Variants in CD2AP observed in about 807,000 individuals in gnomAD.
The protein encoded by CD2AP is CD2 associated protein.
CD2AP carries 46 observed loss-of-function variants against 85.1 expected under a neutral mutation model. The ratio of observed to expected loss-of-function variants is 0.54; its 90% CI spans 0.43 to 0.69. The LOEUF (loss-of-function observed/expected upper bound fraction) is 0.69. Ranked by LOEUF, CD2AP falls within the 30% of genes least tolerant of loss-of-function variation. CD2AP has a pLI of 0.00. For missense variants in CD2AP, 769 were observed against 729.5 expected, an observed-to-expected ratio of 1.05 and a Z score of -0.62; for synonymous variants, 255 against 252.9, an observed-to-expected ratio of 1.01 and a Z score of -0.08.
chr6:47,561,036 A>G (rs1767846538), intron 5 of CD2AP, among the ~76,000 whole-genome samples: 1 of 152,154 alleles, frequency 6.6e-6, no homozygotes, highest in Non-Finnish European at 1.5e-5. Flanking sequence ...TTCATCAGGT[A>G]TCAGTCTATT....
chr6:47,519,816 A>G (rs891637567), intron 2 of CD2AP, among the ~76,000 whole-genome samples: 12 of 152,202 alleles, frequency 7.9e-5, no homozygotes, highest in African/African-American at 2.4e-4. Context: ...TTAACAATAA[A>G]ATAGGGAAAA....
chr6:47,493,573 C>T (rs962926037), intron 1 of CD2AP, among the ~76,000 whole-genome samples: 1 of 151,820 alleles, frequency 6.6e-6, no homozygotes, highest in Non-Finnish European at 1.5e-5. Context: ...ATTTTGTTCT[C>T]TTAGTTTTCC....
chr6:47,623,424 T>C (rs759338149), intron 17 of CD2AP, among the ~76,000 whole-genome samples: 14 of 152,176 alleles, frequency 9.2e-5, no homozygotes, highest in Non-Finnish European at 1.8e-4. Flanking sequence ...ACCATGGGCT[T>C]TAAAGCCCTA....
chr6:47,478,607 C>G (rs1296137568), intron 1 of CD2AP, among the ~76,000 whole-genome samples: 1 of 152,200 alleles, frequency 6.6e-6, no homozygotes, highest in Non-Finnish European at 1.5e-5. Flanking sequence ...CTTCCCTCCC[C>G]CTCCTCGTGG....
At chr6:47,534,524 T>C (rs1766974016) in intron 3 of CD2AP, among the ~76,000 whole-genome samples, 1 of 151,990 alleles carries the variant, frequency 6.6e-6, no homozygotes, top group African/African-American at 2.4e-5. Context: ...CTGACCAACA[T>C]AGTAAAACCC....
intron 13 of CD2AP, among the ~76,000 whole-genome samples, chr6:47,601,650 A>G (rs533172762): frequency 6.8e-4 from 103 of 152,108 alleles, no homozygotes; most frequent in African/African-American, 2.4e-3. Context: ...ATATGTTCCT[A>G]GTATTAGTAA....
At chr6:47,534,561 C>G (rs1161976178) in intron 3 of CD2AP, among the ~76,000 whole-genome samples, 6 of 152,002 alleles carry the variant, frequency 3.9e-5, no homozygotes, top group Admixed American at 3.9e-4. Context: ...ACAAATTAGC[C>G]GGGCGTGGAG....
At chr6:47,482,915 G>C (rs1205230375) in intron 1 of CD2AP, among the ~76,000 whole-genome samples, 2 of 152,180 alleles carry the variant, frequency 1.3e-5, no homozygotes, top group East Asian at 3.8e-4. Flanking sequence ...TCAAGGGCTT[G>C]CAGATAGGTA....
intron 1 of CD2AP, among the ~76,000 whole-genome samples, chr6:47,491,160 C>T (rs1055695627): frequency 6.6e-6 from 1 of 151,716 alleles, no homozygotes; most frequent in Non-Finnish European, 1.5e-5. Context: ...ATAAATATTT[C>T]GTTCTGGGAA....
chr6:47,481,606 A>G (rs1166790167), intron 1 of CD2AP, among the ~76,000 whole-genome samples: 16 of 152,188 alleles, frequency 1.1e-4, no homozygotes, highest in Admixed American at 6.5e-4. Context: ...TTGGCCTCCC[A>G]AAGTGCTGGG....
intron 11 of CD2AP, among the ~76,000 whole-genome samples, chr6:47,582,597 A>G (rs1006625188): frequency 5.3e-5 from 8 of 152,136 alleles, no homozygotes; most frequent in Non-Finnish European, 1.2e-4. Flanking sequence ...CTAGTAGATT[A>G]GTTTATATAC....
intron 9 of CD2AP, chr6:47,580,054 A>T (rs1768431462): frequency 6.4e-6 from 1 of 156,388 alleles, no homozygotes; most frequent in Admixed American, 6.3e-5. Context: ...GCATCAACAC[A>T]AGCACACAAC....
intron 1 of CD2AP, among the ~76,000 whole-genome samples, chr6:47,497,202 C>G (rs1186987748): frequency 6.6e-6 from 1 of 151,688 alleles, no homozygotes; most frequent in Admixed American, 6.6e-5. Flanking sequence ...TTCCTTTCCC[C>G]TTTTTGCTTT....
intron 1 of CD2AP, among the ~76,000 whole-genome samples, chr6:47,497,852 C>T (rs1319783350): frequency 6.6e-6 from 1 of 152,192 alleles, no homozygotes; most frequent in African/African-American, 2.4e-5. Flanking sequence ...ACAGTTTGTG[C>T]CCCATGCTGC....
At chr6:47,543,148 C>CAAAAAAAAAAAAAAAAA (rs11338409) in intron 3 of CD2AP, among the ~76,000 whole-genome samples, 1 of 60,316 alleles carries the variant, frequency 1.7e-5, no homozygotes, top group East Asian at 4.7e-4. Flanking sequence ...AAGACTGTCT[C>CAAAAAAAAAAAAAAAAA]AAAAAAAAAA....
In CD2AP at chr6:47,477,994, G is replaced by T; in HGVS notation, c.-251G>T. On this transcript the variant is annotated 5_prime_UTR_variant, in exon 1 of 18. Transcript: ENST00000359314. ...GCGGGCGGGGTAGGGCCCTCCCGCC[G>T]CCGTGGCTCCTGGGGAGGCCAGGGG... 1 of 569,944 alleles carries T rather than the reference G, an allele frequency of 1.8e-6. No individual in the cohort carries two copies. Among genetic ancestry groups the T allele is most frequent in the Non-Finnish European group, 3.1e-6 (1 of 322,558 alleles). 35.3% of individuals were successfully genotyped at this position (569,944 alleles called of 1,614,324 possible).
At chr6:47,592,209 T>C (rs895393683) in intron 11 of CD2AP, among the ~76,000 whole-genome samples, 1 of 150,080 alleles carries the variant, frequency 6.7e-6, no homozygotes, top group Non-Finnish European at 1.5e-5. Flanking sequence ...AACATAGAAC[T>C]TTTTTTTTTC....
At position 47,478,036 on chromosome 6, in the gene CD2AP, C is replaced by G; in HGVS notation, c.-209C>G. The stretch of plus-strand genomic sequence containing the variant: ...GGCCAGGGGTGAGGAGCTGTCGCCG[C>G]CTTTGCCTCTGCCTCGAGGGCCGCG... On this transcript the variant is annotated 5_prime_UTR_variant, in exon 1 of 18. Transcript: ENST00000359314. 1.6e-6 allele frequency: 1 copy of G among 644,352 alleles called. No homozygotes were observed. The highest frequency in any genetic ancestry group is 2.7e-6 in the Non-Finnish European group (1 of 371,134). 39.9% of individuals were successfully genotyped at this position (644,352 alleles called of 1,614,324 possible).
intron 2 of CD2AP, among the ~76,000 whole-genome samples, chr6:47,505,098 T>C (rs1444946058): frequency 7.6e-6 from 1 of 132,190 alleles, no homozygotes; most frequent in East Asian, 2.1e-4. Context: ...GGCAGGGTCA[T>C]GGGACAATAG....
Sources: allele counts gnomAD v4.1 joint callset (sites outside exome capture counted in the v4.1 genomes callset), GRCh38; gene constraint gnomAD v4.1.1; transcripts MANE v1.5; gene names NCBI Gene and HGNC (gene_info 2026-07-23, HGNC 2026-07-21).